The following CDKL1 variants were observed in gnomAD, a reference collection of about 807,000 sequenced individuals.
CDKL1 encodes cyclin-dependent kinase-like 1.
In CDKL1, 41 loss-of-function variants were observed where a neutral mutation model predicts 42.0. The observed-to-expected ratio is 0.98, with a 90% CI of 0.76 to 1.27. The LOEUF (loss-of-function observed/expected upper bound fraction) is 1.27. Among genes scored for constraint, CDKL1 ranks in the 50% most tolerant of loss-of-function variants. The pLI is 0.00. For missense variants in CDKL1, 394 were observed against 428.4 expected, an observed-to-expected ratio of 0.92 and a Z score of 0.71; for synonymous variants, 153 against 158.6, an observed-to-expected ratio of 0.96 and a Z score of 0.26.
chr14:50,368,665 A>C (rs1339388139), intron 2 of CDKL1, among the ~76,000 whole-genome samples: 3 of 152,072 alleles, frequency 2.0e-5, no homozygotes, highest in Admixed American at 2.0e-4. Flanking sequence ...GGTTGAATTT[A>C]GCCAGAGCCC....
chr14:50,360,605 G>A (rs1388202980), intron 2 of CDKL1, among the ~76,000 whole-genome samples: 10 of 151,114 alleles, frequency 6.6e-5, no homozygotes, highest in Non-Finnish European at 1.3e-4. Flanking sequence ...ACAGGGTTTC[G>A]CCATGTTGGT....
intron 3 of CDKL1, among the ~76,000 whole-genome samples, chr14:50,346,988 A>C (rs549460854): frequency 3.3e-5 from 5 of 152,342 alleles, no homozygotes; most frequent in Non-Finnish European, 5.9e-5. Context: ...AGTACCAGGC[A>C]ACTTTAGTTC....
intron 4 of CDKL1, chr14:50,343,177 G>GTTTTTACT (rs1566580369): frequency 7.5e-6 from 3 of 400,758 alleles, no homozygotes; most frequent in African/African-American, 2.5e-5. Context: ...TTTTTTTTGA[G>GTTTTTACT]TTGGGTCAAA....
At chr14:50,346,651 G>GTTTTTTT (rs375954757) in intron 3 of CDKL1, among the ~76,000 whole-genome samples, 7 of 123,662 alleles carry the variant, frequency 5.7e-5, no homozygotes, top group Non-Finnish European at 1.0e-4. Flanking sequence ...TTAAATTTTT[G>GTTTTTTT]GTTTTTTTTT....
intron 2 of CDKL1, among the ~76,000 whole-genome samples, chr14:50,393,458 A>G (rs961906501): frequency 3.0e-4 from 45 of 152,150 alleles, no homozygotes; most frequent in Non-Finnish European, 5.9e-5. Flanking sequence ...CAATTCACCT[A>G]CTCAACAAAT....
At chr14:50,375,774 G>A (rs2034711958) in intron 2 of CDKL1, among the ~76,000 whole-genome samples, 1 of 151,822 alleles carries the variant, frequency 6.6e-6, no homozygotes, top group Non-Finnish European at 1.5e-5. Context: ...TCCAGCCTGG[G>A]CAACAGAGCG....
intron 2 of CDKL1, among the ~76,000 whole-genome samples, chr14:50,369,765 C>T (rs1371698753): frequency 6.6e-6 from 1 of 151,348 alleles, no homozygotes; most frequent in African/African-American, 2.4e-5. Context: ...ATTACAGGCA[C>T]CAGCCACCAC....
intron 3 of CDKL1, among the ~76,000 whole-genome samples, chr14:50,353,986 C>T (rs1287964206): frequency 6.2e-5 from 9 of 145,526 alleles, no homozygotes; most frequent in African/African-American, 2.0e-4. Context: ...TGGAGTTTTG[C>T]TCTTGTCACC....
At chr14:50,332,780 T>C (rs1403076678) in intron 8 of CDKL1, 2 of 846,652 alleles carry the variant, frequency 2.4e-6, no homozygotes, top group South Asian at 1.6e-5. Context: ...GCATGTACTT[T>C]GTAAAAACTA....
chr14:50,358,184 A>C (rs1401175390), intron 3 of CDKL1: 4 of 1,284,454 alleles, frequency 3.1e-6, no homozygotes, highest in Non-Finnish European at 4.1e-6. Context: ...GAGCCCCCGG[A>C]GTCACTCCCA....
Position 50,375,402 on chromosome 14 carries a change from G to A in CDKL1, c.169-16253C>T, listed in dbSNP as rs1393962296. 3.3e-5 allele frequency among the ~76,000 whole-genome samples: 5 copies of A among 152,192 alleles called. No homozygotes were observed. In the South Asian group the frequency reaches 6.2e-4, roughly 19 times the overall value. On this transcript the variant is annotated intron_variant, in intron 2 of 9. Transcript: ENST00000395834. ...ATGTTGATACTCCACCTTCAGGGACGGGAGCCTAACTTCTCCCTCTGTAGG... is the reference window on the plus strand; with the variant it reads ...ATGTTGATACTCCACCTTCAGGGACAGGAGCCTAACTTCTCCCTCTGTAGG...
chr14:50,359,629 C>T (rs1265693951), intron 2 of CDKL1, among the ~76,000 whole-genome samples: 4 of 151,714 alleles, frequency 2.6e-5, no homozygotes, highest in Non-Finnish European at 5.9e-5. Context: ...GTATCAATAG[C>T]TACAATAGAT....
At chr14:50,367,806 A>T (rs1280244733) in intron 2 of CDKL1, among the ~76,000 whole-genome samples, 1 of 152,166 alleles carries the variant, frequency 6.6e-6, no homozygotes, top group Non-Finnish European at 1.5e-5. Context: ...GGCCAGTATC[A>T]CCGTCCTTCA....
chr14:50,375,912 C>T (rs6572663), intron 2 of CDKL1, among the ~76,000 whole-genome samples: 134,374 of 152,196 alleles, frequency 0.88, 59,651 homozygotes, highest in African/African-American at 0.97. Flanking sequence ...CAAATTCCAA[C>T]AGAGGGACAT....
intron 4 of CDKL1, 29 bp from the exon 5 acceptor site, chr14:50,342,251 T>C (rs371254824): frequency 5.2e-5 from 82 of 1,581,284 alleles, no homozygotes; most frequent in Non-Finnish European, 7.0e-5. Flanking sequence ...ACAAAAACAA[T>C]ATTAAGGCTG....
At chr14:50,337,116 T>G (rs2033322559) in intron 7 of CDKL1, among the ~76,000 whole-genome samples, 1 of 151,982 alleles carries the variant, frequency 6.6e-6, no homozygotes, top group African/African-American at 2.4e-5. Flanking sequence ...TCAAGCCGTC[T>G]TCCCACCTCA....
intron 2 of CDKL1, 137 bp from the exon 3 acceptor site, chr14:50,359,286 T>C (rs2034164409): frequency 2.2e-6 from 2 of 916,640 alleles, no homozygotes; most frequent in South Asian, 1.9e-5. Flanking sequence ...AACAGTATCA[T>C]CTTACCCCTC....
At chr14:50,344,935 C>G (rs1224207813) in intron 4 of CDKL1, 51 bp downstream of exon 4, 1 of 1,440,120 alleles carries the variant, frequency 6.9e-7, no homozygotes, top group Admixed American at 1.7e-5. Flanking sequence ...AAGGCTCCAC[C>G]TCAGCTTAAG....
At chr14:50,337,151 G>A (rs2033324278) in intron 7 of CDKL1, among the ~76,000 whole-genome samples, 1 of 152,044 alleles carries the variant, frequency 6.6e-6, no homozygotes, top group African/African-American at 2.4e-5. Flanking sequence ...TGGGACTACA[G>A]GTGTGTGCCA....
Sources: gnomAD v4.1 joint callset for allele counts (sites outside exome capture counted in the v4.1 genomes callset) on GRCh38, gnomAD v4.1.1 for gene constraint, MANE v1.5 for transcripts, NCBI Gene and HGNC (gene_info 2026-07-23, HGNC 2026-07-21) for gene names.